CCDC85A: variants seen among roughly 807,000 people sequenced by gnomAD.
CCDC85A encodes coiled-coil domain-containing protein 85A.
Under a neutral mutation model 50.2 loss-of-function variants are expected in CCDC85A, and 38 were observed. That is an observed-to-expected ratio of 0.76 (90% CI 0.58 to 0.99). The LOEUF (loss-of-function observed/expected upper bound fraction) is 0.99. Ranked by LOEUF, CCDC85A falls within the 50% of genes least tolerant of loss-of-function variation. CCDC85A has a pLI of 0.00. For missense variants in CCDC85A, 820 were observed against 742.0 expected (o/e 1.11, Z -1.22); for synonymous variants, 366 against 301.4 (o/e 1.21, Z -2.22).
chr2:56,287,912 C>A (rs2104130648), intron 2 of CCDC85A, among the ~76,000 whole-genome samples: 1 of 152,108 alleles, frequency 6.6e-6, no homozygotes, highest in Non-Finnish European at 1.5e-5. Flanking sequence ...AAGTTTCTTT[C>A]CTGTTGTCTT....
At chr2:56,290,815 G>A (rs72803028) in intron 2 of CCDC85A, among the ~76,000 whole-genome samples, 144 of 152,262 alleles carry the variant, frequency 9.5e-4, no homozygotes, top group Non-Finnish European at 1.7e-3. Flanking sequence ...CTAGTTTGTA[G>A]GGATGTTAAT....
intron 2 of CCDC85A, among the ~76,000 whole-genome samples, chr2:56,315,685 C>T (rs1484079343): frequency 6.6e-5 from 10 of 152,048 alleles, no homozygotes; most frequent in African/African-American, 2.2e-4. Context: ...TCAGTGGGGG[C>T]TCTGCCAAAA....
At chr2:56,320,138 A>C (rs1300031915) in intron 2 of CCDC85A, among the ~76,000 whole-genome samples, 1 of 152,216 alleles carries the variant, frequency 6.6e-6, no homozygotes, top group Admixed American at 6.5e-5. Context: ...CATTTAAAGC[A>C]GTGTGTAGAG....
chr2:56,352,231 C>T (rs1477925319), intron 3 of CCDC85A, among the ~76,000 whole-genome samples: 1 of 152,076 alleles, frequency 6.6e-6, no homozygotes, highest in Non-Finnish European at 1.5e-5. Context: ...GTAATATATG[C>T]AATATCTATA....
chr2:56,306,661 G>A (rs1290702293), intron 2 of CCDC85A, among the ~76,000 whole-genome samples: 2 of 152,012 alleles, frequency 1.3e-5, no homozygotes, highest in Non-Finnish European at 1.5e-5. Flanking sequence ...TGCAATTAAC[G>A]ACCCATACTA....
At chr2:56,338,447 A>T (rs72916136) in intron 2 of CCDC85A, among the ~76,000 whole-genome samples, 22,058 of 152,086 alleles carry the variant, frequency 0.15, 1,865 homozygotes, top group African/African-American at 0.23. Context: ...GTTGCAGCGG[A>T]TGTGGTCAAT....
intron 2 of CCDC85A, among the ~76,000 whole-genome samples, chr2:56,241,545 T>C (rs1669259945): frequency 6.6e-6 from 1 of 152,138 alleles, no homozygotes; most frequent in African/African-American, 2.4e-5. Context: ...TTTCAATTGT[T>C]TTGATTTTTA....
chr2:56,275,448 CAGTTACACCAGCTATTTAACATCATA>C (rs1322816573), intron 2 of CCDC85A, among the ~76,000 whole-genome samples: 2 of 151,056 alleles, frequency 1.3e-5, no homozygotes, highest in Non-Finnish European at 3.0e-5. Context: ...TAAAGAGAAT[CAGTTACACCAGCTATTTAACATCATA>C]TAGACCTTAC....
At chr2:56,321,808 G>T (rs573073621) in intron 2 of CCDC85A, among the ~76,000 whole-genome samples, 1 of 152,034 alleles carries the variant, frequency 6.6e-6, no homozygotes, top group Admixed American at 6.6e-5. Context: ...AGTTCATATG[G>T]AACCAAAAAA....
intron 2 of CCDC85A, among the ~76,000 whole-genome samples, chr2:56,315,857 G>T (rs1239506069): frequency 6.6e-6 from 1 of 152,126 alleles, no homozygotes; most frequent in Non-Finnish European, 1.5e-5. Context: ...TCATATTATG[G>T]ATAACAGTGA....
At chr2:56,245,766 G>A (rs1018447803) in intron 2 of CCDC85A, among the ~76,000 whole-genome samples, 2 of 152,126 alleles carry the variant, frequency 1.3e-5, no homozygotes, top group African/African-American at 4.8e-5. Flanking sequence ...TAATAGCCAT[G>A]AGGCTATTAA....
chr2:56,342,820 T>G, intron 2 of CCDC85A, 59 bp from the exon 3 acceptor site: 1 of 1,127,862 alleles, frequency 8.9e-7, no homozygotes, highest in Non-Finnish European at 1.3e-6. Context: ...AGAAATATCC[T>G]GACAGTACAC....
chr2:56,251,164 G>T (rs185769914), intron 2 of CCDC85A, among the ~76,000 whole-genome samples: 1 of 152,288 alleles, frequency 6.6e-6, no homozygotes, highest in African/African-American at 2.4e-5. Context: ...TGAACTTTGG[G>T]TGAACAAAGG....
At chr2:56,200,462 A>T (rs1410818565) in intron 2 of CCDC85A, among the ~76,000 whole-genome samples, 1 of 152,220 alleles carries the variant, frequency 6.6e-6, no homozygotes, top group African/African-American at 2.4e-5. Context: ...ACACTTGAGG[A>T]TACAGACATA....
At chr2:56,198,739 T>A (rs1676624136) in intron 2 of CCDC85A, among the ~76,000 whole-genome samples, 1 of 152,224 alleles carries the variant, frequency 6.6e-6, no homozygotes, top group African/African-American at 2.4e-5. Flanking sequence ...ATGCTATAAA[T>A]GTAATTTAAA....
upstream of CCDC85A, chr2:56,183,919 G>A (rs1270884955): frequency 1.0e-6 from 1 of 985,278 alleles, no homozygotes; most frequent in Non-Finnish European, 1.2e-6. Flanking sequence ...CAGCCCATGC[G>A]GGAGCTGCTG....
chr2:56,241,482 C>G (rs928656316), intron 2 of CCDC85A, among the ~76,000 whole-genome samples: 43 of 152,098 alleles, frequency 2.8e-4, no homozygotes, highest in African/African-American at 1.0e-3. Context: ...ACCACATCCC[C>G]CATTATCTTT....
chr2:56,247,653 T>C (rs574394358), intron 2 of CCDC85A, among the ~76,000 whole-genome samples: 1 of 152,338 alleles, frequency 6.6e-6, no homozygotes, highest in Admixed American at 6.5e-5. Context: ...TCCTTTGTGC[T>C]TTGATAAAAA....
intron 2 of CCDC85A, among the ~76,000 whole-genome samples, chr2:56,216,070 T>G (rs1169066269): frequency 3.3e-5 from 5 of 151,914 alleles, no homozygotes; most frequent in Non-Finnish European, 7.4e-5. Flanking sequence ...AAGCCTAAAA[T>G]ACTTATTTAC....
Sources: gnomAD v4.1 joint callset for allele counts (sites outside exome capture counted in the v4.1 genomes callset) on GRCh38, gnomAD v4.1.1 for gene constraint, MANE v1.5 for transcripts, NCBI Gene and HGNC (gene_info 2026-07-23, HGNC 2026-07-21) for gene names.